Variants in CNTN4 observed in about 807,000 individuals in gnomAD.
CNTN4 encodes contactin-4.
CNTN4 carries 77 observed loss-of-function variants against 122.5 expected under a neutral mutation model. The observed-to-expected ratio is 0.63, with a 90% confidence interval of 0.52 to 0.76. CNTN4 has a LOEUF of 0.76. Ranked by LOEUF, CNTN4 falls within the 30% of genes least tolerant of loss-of-function variation. CNTN4 has a pLI of 0.00. For synonymous variants in CNTN4, 512 were observed against 447.0 expected (o/e 1.15, Z -1.83); for missense variants, 1,256 against 1,259.1 (o/e 1.00, Z 0.04).
chr3:2,271,235 C>T (rs929414399), intron 2 of CNTN4, among the ~76,000 whole-genome samples: 1 of 152,100 alleles, frequency 6.6e-6, no homozygotes, highest in Non-Finnish European at 1.5e-5. Flanking sequence ...GATGTTGCTA[C>T]TCCATAAAGA....
rs56093430 is a variant in CNTN4, at chr3:2,470,367, G to A, written c.-88-101049G>A. On this transcript the variant is annotated intron_variant, in intron 3 of 24. Transcript: ENST00000418658. Reference sequence around the variant, plus strand: ...TGGGATTACGGGTGTGAGCCACCGCGCCTGGCCATGTTGCTTATTTTTATA... The same window carrying A: ...TGGGATTACGGGTGTGAGCCACCGCACCTGGCCATGTTGCTTATTTTTATA... Among the ~76,000 whole-genome samples the A allele has an allele frequency of 3.9e-3, 591 of 152,198 alleles. 4 individuals carry two copies. Among genetic ancestry groups the A allele is most frequent in the African/African-American group, 0.013 (520 of 41,516 alleles).
chr3:2,925,653 C>T lies in CNTN4; in HGVS notation c.1232C>T (p.Thr411Ile), dbSNP rs2094466758. The change falls in exon 13 of 25, where the codon ACA becomes ATA. Residue 411 changes from threonine to isoleucine, a missense_variant. Coordinates refer to ENST00000418658, the MANE Select transcript of CNTN4 (RefSeq NM_175607.3). ...GCTGTAGGTCCAGATTTTTCAAGAACACTCTTGAAAAGAGTAACTCTTGTC... is the reference window on the plus strand; with the variant it reads ...GCTGTAGGTCCAGATTTTTCAAGAATACTCTTGAAAAGAGTAACTCTTGTC... ...VIAVGPDFSR[T>I]LLKRVTLVKV... 1.2e-6 allele frequency: 2 copies of T among 1,613,662 alleles called. No individual in the cohort carries two copies. Among genetic ancestry groups the T allele is most frequent in the African/African-American group, 1.3e-5 (1 of 74,896 alleles).
intron 14 of CNTN4, among the ~76,000 whole-genome samples, chr3:3,024,168 A>G (rs893188124): frequency 1.3e-5 from 2 of 152,180 alleles, no homozygotes; most frequent in Admixed American, 6.5e-5. Context: ...TCTAAATTGC[A>G]GAATCAGTGG....
intron 3 of CNTN4, among the ~76,000 whole-genome samples, chr3:2,524,654 A>G (rs577760602): frequency 1.3e-5 from 2 of 152,248 alleles, no homozygotes; most frequent in South Asian, 4.1e-4. Flanking sequence ...TTATTTTTTT[A>G]GTCTCTATAA....
chr3:2,939,788 G>A (rs1372179860), intron 13 of CNTN4, among the ~76,000 whole-genome samples: 1 of 152,230 alleles, frequency 6.6e-6, no homozygotes, highest in South Asian at 2.1e-4. Context: ...GTGTTGGTTT[G>A]TTGAATTTGA....
At chr3:2,470,485 G>A (rs1027318261) in intron 3 of CNTN4, among the ~76,000 whole-genome samples, 1 of 151,682 alleles carries the variant, frequency 6.6e-6, no homozygotes, top group East Asian at 1.9e-4. Context: ...CTTCCTTATC[G>A]CATCTTGAGA....
At chr3:3,036,040 A>T (rs1359786857) in intron 17 of CNTN4, among the ~76,000 whole-genome samples, 1 of 152,184 alleles carries the variant, frequency 6.6e-6, no homozygotes, top group Non-Finnish European at 1.5e-5. Flanking sequence ...CTTTGCATGT[A>T]AAAGAATTCT....
intron 9 of CNTN4, among the ~76,000 whole-genome samples, chr3:2,884,372 A>G (rs1053651235): frequency 3.3e-5 from 5 of 152,088 alleles, no homozygotes; most frequent in African/African-American, 9.7e-5. Context: ...TTTGGTTTCC[A>G]TGTGTTTTCA....
At chr3:2,871,135 C>G (rs935347982) in intron 8 of CNTN4, among the ~76,000 whole-genome samples, 1 of 152,122 alleles carries the variant, frequency 6.6e-6, no homozygotes, top group African/African-American at 2.4e-5. Context: ...GAGTTCAGCC[C>G]CACCATTTAT....
chr3:2,245,552 A>G (rs148454005), intron 2 of CNTN4, among the ~76,000 whole-genome samples: 58 of 152,190 alleles, frequency 3.8e-4, no homozygotes, highest in African/African-American at 1.3e-3. Flanking sequence ...AACTGTTGCA[A>G]CTATTCTTCA....
chr3:2,929,095 G>A (rs1448341294), intron 13 of CNTN4, among the ~76,000 whole-genome samples: 2 of 152,156 alleles, frequency 1.3e-5, no homozygotes, highest in Non-Finnish European at 2.9e-5. Flanking sequence ...TGGGTAAGCA[G>A]AATATCCATA....
chr3:2,729,260 C>A (rs2088466746), intron 4 of CNTN4, among the ~76,000 whole-genome samples: 1 of 152,098 alleles, frequency 6.6e-6, no homozygotes, highest in Non-Finnish European at 1.5e-5. Context: ...CACTGGGATC[C>A]TAACCTGTTT....
chr3:2,261,511 G>C (rs2040832026), intron 2 of CNTN4, among the ~76,000 whole-genome samples: 1 of 152,148 alleles, frequency 6.6e-6, no homozygotes, highest in Non-Finnish European at 1.5e-5. Context: ...CTGTCCAGAA[G>C]AGAGATGTGA....
intron 4 of CNTN4, among the ~76,000 whole-genome samples, chr3:2,581,005 A>G (rs1307007021): frequency 6.6e-6 from 1 of 152,196 alleles, no homozygotes; most frequent in African/African-American, 2.4e-5. Flanking sequence ...CTGTCTTCAT[A>G]AAGCTTACCA....
At chr3:2,871,962 A>T (rs905509050) in intron 8 of CNTN4, among the ~76,000 whole-genome samples, 1 of 152,180 alleles carries the variant, frequency 6.6e-6, no homozygotes, top group Non-Finnish European at 1.5e-5. Context: ...TGATTTGGGA[A>T]AGTACACCTG....
intron 3 of CNTN4, among the ~76,000 whole-genome samples, chr3:2,437,587 C>T (rs971283393): frequency 5.3e-5 from 8 of 152,100 alleles, no homozygotes; most frequent in Non-Finnish European, 1.0e-4. Context: ...AAAATTTTAA[C>T]ATGCAAAAGT....
At chr3:2,491,924 T>C (rs1361535095) in intron 3 of CNTN4, among the ~76,000 whole-genome samples, 1 of 152,224 alleles carries the variant, frequency 6.6e-6, no homozygotes, top group African/African-American at 2.4e-5. Context: ...TTACTTTGTT[T>C]CATAAATCTA....
At chr3:2,530,399 C>G (rs1280821322) in intron 3 of CNTN4, among the ~76,000 whole-genome samples, 1 of 150,774 alleles carries the variant, frequency 6.6e-6, no homozygotes, top group African/African-American at 2.4e-5. Context: ...ACCTCCACCT[C>G]CTGGGTTCAA....
intron 2 of CNTN4, among the ~76,000 whole-genome samples, chr3:2,319,503 A>G (rs1187299644): frequency 6.6e-6 from 1 of 152,128 alleles, no homozygotes; most frequent in African/African-American, 2.4e-5. Context: ...CAGCAGAACT[A>G]ATCCCTCCTC....
Sources: gnomAD v4.1 joint callset for allele counts (sites outside exome capture counted in the v4.1 genomes callset) on GRCh38, gnomAD v4.1.1 for gene constraint, MANE v1.5 for transcripts, NCBI Gene and HGNC (gene_info 2026-07-23, HGNC 2026-07-21) for gene names.